FHIT: variants seen among roughly 807,000 people sequenced by gnomAD.
The protein encoded by FHIT is fragile histidine triad diadenosine triphosphatase.
Under a neutral mutation model 17.9 loss-of-function variants are expected in FHIT, and 19 were observed. The observed-to-expected ratio is 1.06, with a 90% CI of 0.74 to 1.56. The LOEUF (loss-of-function observed/expected upper bound fraction) is 1.56. FHIT is among the 40% of genes most tolerant of loss of function. The probability of loss-of-function intolerance (pLI) is 0.00; values close to 1 mark genes in which losing one functional copy is unlikely to be tolerated. For missense variants in FHIT, 248 were observed against 189.2 expected, an observed-to-expected ratio of 1.31 and a Z score of -1.82; for synonymous variants, 81 against 69.7, an observed-to-expected ratio of 1.16 and a Z score of -0.81.
At chr3:60,509,812 T>G (rs1221490838) in intron 5 of FHIT, among the ~76,000 whole-genome samples, 1 of 152,242 alleles carries the variant, frequency 6.6e-6, no homozygotes, top group Non-Finnish European at 1.5e-5. Flanking sequence ...TCTTTAACGT[T>G]ATGGATATAG....
At chr3:60,590,442 A>G (rs1040861469) in intron 4 of FHIT, among the ~76,000 whole-genome samples, 4 of 152,054 alleles carry the variant, frequency 2.6e-5, no homozygotes, top group Non-Finnish European at 4.4e-5. Context: ...AATTCTTAGG[A>G]TGTTATTGAT....
intron 5 of FHIT, among the ~76,000 whole-genome samples, chr3:60,502,370 G>T (rs1008000325): frequency 6.6e-6 from 1 of 152,214 alleles, no homozygotes; most frequent in Non-Finnish European, 1.5e-5. Flanking sequence ...CCAAGGAGCT[G>T]TCCTGAATGA....
intron 5 of FHIT, among the ~76,000 whole-genome samples, chr3:60,205,084 A>T (rs1309156096): frequency 6.7e-6 from 1 of 149,338 alleles, no homozygotes; most frequent in East Asian, 2.0e-4. Flanking sequence ...TGACAATGAG[A>T]CCCTGCCTCA....
At chr3:61,043,125 C>T (rs1233333385) in intron 2 of FHIT, among the ~76,000 whole-genome samples, 1 of 152,086 alleles carries the variant, frequency 6.6e-6, no homozygotes, top group Non-Finnish European at 1.5e-5. Context: ...TGGGTGCACC[C>T]CATGGAGTGT....
chr3:60,200,504 T>A (rs1210239000), intron 5 of FHIT, among the ~76,000 whole-genome samples: 4 of 152,120 alleles, frequency 2.6e-5, no homozygotes, highest in African/African-American at 9.7e-5. Context: ...AATGTAATTT[T>A]GTATAAAATG....
At position 60,045,416 on chromosome 3, in the gene FHIT, C is replaced by T. The variant is rs563765785; in HGVS notation, c.104-31264G>A. Among the ~76,000 whole-genome samples, 3 of 152,098 alleles carry T rather than the reference C, an allele frequency of 2.0e-5. No individual in the cohort carries two copies. In the South Asian group the frequency reaches 6.2e-4, roughly 32 times the overall value. ...CAAAGAGAGAGTTTGTGCAGGGAAA[C>T]TCCCCCTTACAAAACCATCAGATCT... On this transcript the variant is annotated intron_variant, in intron 5 of 9. Transcript: ENST00000492590.
chr3:60,458,525 A>T (rs948497153), intron 5 of FHIT, among the ~76,000 whole-genome samples: 6 of 152,022 alleles, frequency 3.9e-5, no homozygotes, highest in South Asian at 4.2e-4. Flanking sequence ...CCAACATGGC[A>T]CATGTATACA....
intron 5 of FHIT, among the ~76,000 whole-genome samples, chr3:60,340,433 T>A (rs547532877): frequency 6.6e-6 from 1 of 152,254 alleles, no homozygotes; most frequent in African/African-American, 2.4e-5. Context: ...ACAATGGTAA[T>A]CCACTGCAGC....
intron 4 of FHIT, among the ~76,000 whole-genome samples, chr3:60,586,363 A>T (rs1227343310): frequency 6.6e-6 from 1 of 152,072 alleles, no homozygotes; most frequent in Admixed American, 6.6e-5. Flanking sequence ...GCAAAGTTTA[A>T]AGTTAGAGAT....
intron 4 of FHIT, among the ~76,000 whole-genome samples, chr3:60,804,324 A>G (rs1023907801): frequency 6.6e-6 from 1 of 151,128 alleles, no homozygotes; most frequent in Non-Finnish European, 1.5e-5. Context: ...CTATCTTGAA[A>G]CTCCGCATCT....
At chr3:60,699,170 C>T (rs6791660) in intron 4 of FHIT, among the ~76,000 whole-genome samples, 13,509 of 152,198 alleles carry the variant, frequency 0.089, 657 homozygotes, top group Middle Eastern at 0.11. Context: ...CTTATGAGTA[C>T]ATAGATTTAC....
rs538000543 is a variant in FHIT at position 60,406,814 on chromosome 3, G to A, written c.103+130046C>T. ...GGCAACTGTTTAGTTCAGATGTGTC[G>A]TAGCCAAAATTGGGCACATTTCCCA... On this transcript the variant is annotated intron_variant, in intron 5 of 9. Coordinates refer to ENST00000492590, the MANE Select transcript of FHIT (RefSeq NM_002012.4). 1.3e-4 allele frequency among the ~76,000 whole-genome samples: 20 copies of A among 152,120 alleles called. No homozygotes were observed. The East Asian group carries it at 1.7e-3, about 13-fold the overall frequency.
At chr3:60,937,389 A>T (rs182017893) in intron 3 of FHIT, among the ~76,000 whole-genome samples, 2 of 152,288 alleles carry the variant, frequency 1.3e-5, no homozygotes, top group Admixed American at 1.3e-4. Context: ...AATCATTTAG[A>T]TTCGTGCTCC....
At chr3:60,588,348 C>A (rs1040196270) in intron 4 of FHIT, among the ~76,000 whole-genome samples, 1 of 151,708 alleles carries the variant, frequency 6.6e-6, no homozygotes, top group Non-Finnish European at 1.5e-5. Flanking sequence ...AAAGGAAGAA[C>A]AAACAGTCAA....
chr3:59,886,189 C>G (rs1703615912), intron 8 of FHIT: 2 of 152,208 alleles, frequency 1.3e-5, no homozygotes, highest in Admixed American at 6.5e-5. Flanking sequence ...TCATATGTGA[C>G]AGTCTGGAAA....
chr3:59,786,259 C>T lies in FHIT; in HGVS notation c.349-33938G>A, dbSNP rs1200279611. 2.6e-5 allele frequency among the ~76,000 whole-genome samples: 4 copies of T among 152,188 alleles called. No individual in the cohort carries two copies. The East Asian group carries it at 5.8e-4, about 22-fold the overall frequency. On this transcript the variant is annotated intron_variant, in intron 8 of 9. Coordinates refer to ENST00000492590, the MANE Select transcript of FHIT (RefSeq NM_002012.4). ...ATAATGTGAATTACTTGGGGTGCAG[C>T]TTCCATCTCCCTCACCACTTAAAGT...
intron 3 of FHIT, among the ~76,000 whole-genome samples, chr3:60,911,756 A>G (rs1706756140): frequency 6.6e-6 from 1 of 152,070 alleles, no homozygotes; most frequent in African/African-American, 2.4e-5. Flanking sequence ...TCTGATGAAA[A>G]CCTCTAACAG....
chr3:60,471,886 C>A (rs1157625895), intron 5 of FHIT, among the ~76,000 whole-genome samples: 1 of 151,942 alleles, frequency 6.6e-6, no homozygotes, highest in Non-Finnish European at 1.5e-5. Context: ...CCATGTTGAA[C>A]TGTAAGATGA....
At chr3:60,876,409 T>C (rs1482998671) in intron 3 of FHIT, among the ~76,000 whole-genome samples, 2 of 152,216 alleles carry the variant, frequency 1.3e-5, no homozygotes, top group African/African-American at 2.4e-5. Flanking sequence ...TAAGTAGTAC[T>C]GAGATGTTTA....
Sources: allele counts gnomAD v4.1 joint callset (sites outside exome capture counted in the v4.1 genomes callset), GRCh38; gene constraint gnomAD v4.1.1; transcripts MANE v1.5; gene names NCBI Gene and HGNC (gene_info 2026-07-23, HGNC 2026-07-21).